The following RBFOX1 variants were observed in gnomAD, a reference collection of about 807,000 sequenced individuals.
The protein encoded by RBFOX1 is RNA binding fox-1 homolog 1, also known as RNA binding protein fox-1 homolog 1.
Under a neutral mutation model 57.7 loss-of-function variants are expected in RBFOX1, and 8 were observed. That is an observed-to-expected ratio of 0.14 (90% CI 0.08 to 0.25). The LOEUF is 0.25. Ranked by LOEUF, RBFOX1 falls within the 10% of genes least tolerant of loss-of-function variation. RBFOX1 has a pLI of 1.00. For missense variants in RBFOX1, 611 were observed against 548.5 expected, an observed-to-expected ratio of 1.11 and a Z score of -1.14; for synonymous variants, 326 against 222.4, an observed-to-expected ratio of 1.47 and a Z score of -4.15.
chr16:6,544,820 G>A (rs2096872794), intron 2 of RBFOX1, among the ~76,000 whole-genome samples: 1 of 152,160 alleles, frequency 6.6e-6, no homozygotes, highest in Non-Finnish European at 1.5e-5. Context: ...TCAGCGAAGG[G>A]TACCCACGAC....
chr16:7,257,227 G>A (rs2094726273), intron 4 of RBFOX1, among the ~76,000 whole-genome samples: 1 of 152,128 alleles, frequency 6.6e-6, no homozygotes, highest in Non-Finnish European at 1.5e-5. Flanking sequence ...CCGGGGTCAT[G>A]CTGTAATCCC....
chr16:6,549,158 GGGGGGA>G (rs1567641387), intron 2 of RBFOX1, among the ~76,000 whole-genome samples: 1 of 26,716 alleles, frequency 3.7e-5, no homozygotes. Context: ...AGGAGGAGGG[GGGGGGA>G]AGGAGGAGGA....
intron 3 of RBFOX1, among the ~76,000 whole-genome samples, chr16:5,712,259 C>T (rs569109431): frequency 1.2e-4 from 18 of 152,296 alleles, no homozygotes; most frequent in South Asian, 2.1e-4. Context: ...AGTGGGGACA[C>T]GAAGCCAAAC....
intron 3 of RBFOX1, among the ~76,000 whole-genome samples, chr16:6,937,704 A>T (rs976091458): frequency 1.3e-5 from 2 of 152,112 alleles, no homozygotes; most frequent in Admixed American, 1.3e-4. Flanking sequence ...TAAAAGAGTT[A>T]TTATCGATAG....
At chr16:5,691,807 G>C (rs1490884760) in intron 3 of RBFOX1, among the ~76,000 whole-genome samples, 1 of 152,130 alleles carries the variant, frequency 6.6e-6, no homozygotes, top group African/African-American at 2.4e-5. Flanking sequence ...ACGAGGTTCA[G>C]AAGTGCTTGA....
chr16:7,687,917 G>T lies in RBFOX1; in HGVS notation c.995+11079G>T, dbSNP rs529369353. Among the ~76,000 whole-genome samples, 4 of 152,054 alleles carry T rather than the reference G, an allele frequency of 2.6e-5. No homozygotes were observed. The South Asian group carries it at 8.3e-4, about 32-fold the overall frequency. On this transcript the variant is annotated intron_variant, in intron 14 of 15. Coordinates refer to ENST00000550418, the MANE Select transcript of RBFOX1 (RefSeq NM_018723.4). The stretch of plus-strand genomic sequence containing the variant: ...AGAATCAACCCCAGGGGTTTTTCAG[G>T]CATATCTGTACATGGGAACCACTCT...
At chr16:6,999,439 T>A (rs77079942) in intron 3 of RBFOX1, among the ~76,000 whole-genome samples, 14,326 of 151,004 alleles carry the variant, frequency 0.095, 2,267 homozygotes, top group African/African-American at 0.33. Flanking sequence ...TTTTTTAATT[T>A]TTATTTTTTA....
chr16:6,147,438 A>G (rs908072266), intron 1 of RBFOX1, among the ~76,000 whole-genome samples: 2 of 152,128 alleles, frequency 1.3e-5, no homozygotes, highest in Admixed American at 1.3e-4. Context: ...CAAAACTCCT[A>G]GCTACTCAGC....
At chr16:6,136,320 A>G (rs535334317) in intron 1 of RBFOX1, among the ~76,000 whole-genome samples, 158 of 151,986 alleles carry the variant, frequency 1.0e-3, no homozygotes, top group Non-Finnish European at 1.3e-3. Context: ...CTTTGATACA[A>G]CCTTCCCCCA....
At chr16:5,666,571 A>G (rs914835871) in intron 3 of RBFOX1, among the ~76,000 whole-genome samples, 1 of 152,174 alleles carries the variant, frequency 6.6e-6, no homozygotes, top group African/African-American at 2.4e-5. Flanking sequence ...TTAAATACGT[A>G]CCTAAGCCAA....
chr16:7,561,495 A>G (rs772510616), intron 5 of RBFOX1, among the ~76,000 whole-genome samples: 2 of 152,262 alleles, frequency 1.3e-5, no homozygotes, highest in Non-Finnish European at 2.9e-5. Context: ...AGAAACTCCG[A>G]AATATCCTGA....
chr16:6,450,784 T>TATATGTATATATATATAC lies in RBFOX1; in HGVS notation c.-64+133731_-64+133732insGTATATATATATACATAT, dbSNP rs1567302846. ...ATATATGTGTATATATATATATATA[T>TATATGTATATATATATAC]ATATACATATATATATGTATATATA... On this transcript the variant is annotated intron_variant, in intron 2 of 15. Transcript: ENST00000550418. 6.0e-5 allele frequency among the ~76,000 whole-genome samples: 2 copies of TATATGTATATATATATAC among 33,404 alleles called. 1 individual carries two copies. Among genetic ancestry groups the TATATGTATATATATATAC allele is most frequent in the East Asian group, 4.3e-3 (2 of 468 alleles). The allele number at this position is 33,404 out of a possible 152,430, so 21.9% of individuals were successfully genotyped here.
At chr16:6,677,305 T>C (rs2057900492) in intron 3 of RBFOX1, among the ~76,000 whole-genome samples, 1 of 152,174 alleles carries the variant, frequency 6.6e-6, no homozygotes, top group African/African-American at 2.4e-5. Context: ...ACATCTGTCA[T>C]TCCTTAAGGC....
At chr16:6,474,525 T>C (rs1354523167) in intron 2 of RBFOX1, among the ~76,000 whole-genome samples, 4 of 152,206 alleles carry the variant, frequency 2.6e-5, no homozygotes, top group African/African-American at 4.8e-5. Context: ...CAGCCACTTA[T>C]GTTAAATAAG....
intron 1 of RBFOX1, among the ~76,000 whole-genome samples, chr16:5,452,042 A>G (rs1320737864): frequency 7.3e-5 from 11 of 150,716 alleles, no homozygotes; most frequent in Admixed American, 7.3e-4. Flanking sequence ...TTCCTCTCCT[A>G]GGTTAATGCC....
intron 1 of RBFOX1, among the ~76,000 whole-genome samples, chr16:5,329,738 G>A (rs1044673500): frequency 2.0e-5 from 3 of 152,206 alleles, no homozygotes; most frequent in Non-Finnish European, 2.9e-5. Flanking sequence ...GGTGGCTTAC[G>A]CCTGTAATCC....
intron 1 of RBFOX1, among the ~76,000 whole-genome samples, chr16:6,313,428 G>C (rs111585835): frequency 0.024 from 3,682 of 152,274 alleles, 59 homozygotes; most frequent in African/African-American, 0.031. Context: ...GCCTGGGGAA[G>C]TCTATGAAGC....
At chr16:6,393,294 T>C (rs991558905) in intron 2 of RBFOX1, among the ~76,000 whole-genome samples, 2 of 152,224 alleles carry the variant, frequency 1.3e-5, no homozygotes, top group Non-Finnish European at 2.9e-5. Context: ...ACTATGAGTA[T>C]AGGGAATGGG....
rs375964734 is a variant in RBFOX1, at chr16:5,441,718, A to G, written c.220-25498A>G. On this transcript the variant is annotated intron_variant, in intron 1 of 2. Transcript: ENST00000585867. ...AGCATGGCTGGGGAGGCCTCAGGAA[A>G]CTTACAATCATGGCAGAAGGGGCAG... 1.7e-4 allele frequency among the ~76,000 whole-genome samples: 26 copies of G among 152,216 alleles called. No individual in the cohort carries two copies. In the East Asian group the frequency reaches 2.7e-3, roughly 16 times the overall value.
Sources: gnomAD v4.1 joint callset for allele counts (sites outside exome capture counted in the v4.1 genomes callset) on GRCh38, gnomAD v4.1.1 for gene constraint, MANE v1.5 for transcripts, NCBI Gene and HGNC (gene_info 2026-07-23, HGNC 2026-07-21) for gene names.